ARMC3: variants seen among roughly 807,000 people sequenced by gnomAD.
The protein encoded by ARMC3 is armadillo repeat-containing protein 3.
A neutral mutation model predicts 90.3 loss-of-function variants in ARMC3; 74 were observed. The observed-to-expected ratio is 0.82, with a 90% CI of 0.68 to 0.99. The LOEUF is 0.99. Among genes scored for constraint, ARMC3 ranks in the 50% least tolerant of loss-of-function variants. The probability of loss-of-function intolerance (pLI) is 0.00; values close to 1 mark genes in which losing one functional copy is unlikely to be tolerated. For synonymous variants in ARMC3, 334 were observed against 361.8 expected (o/e 0.92, Z 0.87); for missense variants, 958 against 1,042.8 (o/e 0.92, Z 1.12).
intron 10 of ARMC3, among the ~76,000 whole-genome samples, chr10:22,991,360 C>T (rs1224294910): frequency 2.0e-5 from 3 of 152,102 alleles, no homozygotes; most frequent in East Asian, 3.8e-4. Flanking sequence ...CACTGGGGGC[C>T]GGATGTGATC....
chr10:23,017,053 G>A (rs1009874378), intron 16 of ARMC3, among the ~76,000 whole-genome samples: 3 of 149,260 alleles, frequency 2.0e-5, no homozygotes, highest in African/African-American at 7.4e-5. Flanking sequence ...TCTTAACTAT[G>A]TATGTGACAA....
At position 23,006,498 on chromosome 10, in the gene ARMC3, A is replaced by T. The variant is rs553390939; in HGVS notation, c.1732-386A>T. On this transcript the variant is annotated intron_variant, in intron 13 of 18. Coordinates refer to ENST00000298032, the MANE Select transcript of ARMC3 (RefSeq NM_173081.5). ...AAACTGCCTGCACAGGGCTTTGTCT[A>T]GCCTACTTTTAGATACACTCACAAC... 9.8e-4 allele frequency among the ~76,000 whole-genome samples: 149 copies of T among 152,320 alleles called. 1 individual carries two copies. The highest frequency in any genetic ancestry group is 4.8e-3 in the South Asian group (23 of 4,834).
chr10:22,980,560 C>T (rs1455874940), intron 8 of ARMC3, among the ~76,000 whole-genome samples: 4 of 151,894 alleles, frequency 2.6e-5, no homozygotes, highest in African/African-American at 9.7e-5. Flanking sequence ...TTAATGTTCT[C>T]ATTTAGCTTA....
intron 16 of ARMC3, among the ~76,000 whole-genome samples, chr10:23,021,299 C>A (rs530311175): frequency 6.6e-6 from 1 of 152,178 alleles, no homozygotes; most frequent in African/African-American, 2.4e-5. Context: ...CTTTTTGGTA[C>A]AATGATTTAT....
intron 8 of ARMC3, among the ~76,000 whole-genome samples, chr10:22,976,878 G>A (rs1053330143): frequency 2.6e-5 from 4 of 152,096 alleles, no homozygotes; most frequent in Non-Finnish European, 4.4e-5. Flanking sequence ...GGGAGTTCAC[G>A]GACTGCCTGA....
At chr10:22,960,032 T>C in intron 6 of ARMC3, 1 of 334,634 alleles carries the variant, frequency 3.0e-6, no homozygotes. Context: ...GAATTCATTG[T>C]CCACAATAGC....
intron 3 of ARMC3, among the ~76,000 whole-genome samples, chr10:22,948,884 G>A (rs1834636086): frequency 6.6e-6 from 1 of 152,192 alleles, no homozygotes; most frequent in Admixed American, 6.5e-5. Flanking sequence ...TCTCATTCTT[G>A]TATTTAGAAG....
At chr10:22,977,113 G>T (rs1835960618) in intron 8 of ARMC3, among the ~76,000 whole-genome samples, 1 of 152,164 alleles carries the variant, frequency 6.6e-6, no homozygotes, top group Non-Finnish European at 1.5e-5. Context: ...CTGGATTCTG[G>T]TTTGGGAAAT....
At position 23,030,743 on chromosome 10, in the gene ARMC3, C is replaced by A. The variant is rs201157292; in HGVS notation, c.2193C>A (p.Thr731=). Reference sequence around the variant, plus strand: ...TCTCTATGTATGTGTATGAGGTGACCAAATCAATACTGCCAATAACCAATA... The same window carrying A: ...TCTCTATGTATGTGTATGAGGTGACAAAATCAATACTGCCAATAACCAATA... ...PDFSMYVYEV[T]KSILPITNIK... Residue 731 remains threonine (T), a synonymous_variant, in exon 17 of 19, where the codon ACC becomes ACA. Transcript: ENST00000298032. 1.2e-6 allele frequency: 2 copies of A among 1,613,638 alleles called. No homozygotes were observed. The highest frequency in any genetic ancestry group is 1.3e-5 in the African/African-American group (1 of 74,990).
chr10:22,976,535 T>G (rs1835931880), intron 8 of ARMC3, among the ~76,000 whole-genome samples: 1 of 152,242 alleles, frequency 6.6e-6, no homozygotes, highest in African/African-American at 2.4e-5. Context: ...GTTCTTCAAA[T>G]TACCAGACCA....
chr10:23,014,240 G>T, intron 16 of ARMC3: 1 of 1,513,716 alleles, frequency 6.6e-7, no homozygotes. Context: ...GATGATCCCT[G>T]CCTCAAAGAG....
intron 3 of ARMC3, among the ~76,000 whole-genome samples, chr10:22,951,555 A>G (rs1004655298): frequency 1.3e-5 from 2 of 152,212 alleles, no homozygotes; most frequent in Admixed American, 6.5e-5. Flanking sequence ...AGTGATTCCA[A>G]TAACACAAAA....
At chr10:22,955,726 A>C in intron 3 of ARMC3, 81 bp from the exon 4 acceptor site, 1 of 1,517,038 alleles carries the variant, frequency 6.6e-7, no homozygotes, top group South Asian at 1.3e-5. Flanking sequence ...AATGGCAAAT[A>C]AGAAATTGGA....
intron 10 of ARMC3, 65 bp downstream of exon 10, chr10:22,981,765 T>G: frequency 1.5e-6 from 2 of 1,332,166 alleles, no homozygotes; most frequent in Non-Finnish European, 2.1e-6. Flanking sequence ...GATGTTCTCC[T>G]GTTAGTATAT....
intron 2 of ARMC3, among the ~76,000 whole-genome samples, chr10:22,940,158 T>A (rs1485863124): frequency 6.6e-6 from 1 of 152,212 alleles, no homozygotes; most frequent in African/African-American, 2.4e-5. Flanking sequence ...ACATTACAAT[T>A]GCAGGACAAA....
rs1475781620 is a variant in ARMC3 at position 23,014,290 on chromosome 10, C to T, written c.2045+5359C>T. ...GAGATGGTGTCAGGAAAGTGCCTGA[C>T]CATCACCTAGCACACTTAGGGGCTC... On this transcript the variant is annotated intron_variant, in intron 16 of 18. Transcript: ENST00000298032. 2.1e-6 allele frequency: 3 copies of T among 1,455,862 alleles called. No homozygotes were observed. In the African/African-American group the frequency reaches 4.2e-5, roughly 21 times the overall value. The allele number at this position is 1,455,862 out of a possible 1,614,324, so 90.2% of individuals were successfully genotyped here.
chr10:22,977,576 T>C (rs772414403), intron 8 of ARMC3, among the ~76,000 whole-genome samples: 1 of 152,220 alleles, frequency 6.6e-6, no homozygotes. Flanking sequence ...CATTTTATAA[T>C]TCAACTTATT....
chr10:22,947,575 G>A (rs889420362), intron 3 of ARMC3, among the ~76,000 whole-genome samples: 1 of 152,126 alleles, frequency 6.6e-6, no homozygotes, highest in South Asian at 2.1e-4. Flanking sequence ...CATAATGGAG[G>A]CATAATGAGT....
chr10:23,031,717 C>T (rs974144213), intron 17 of ARMC3, among the ~76,000 whole-genome samples: 2 of 151,936 alleles, frequency 1.3e-5, no homozygotes, highest in Admixed American at 1.3e-4. Flanking sequence ...ATCAGTAACA[C>T]TTTTCATCAT....
Sources: allele counts gnomAD v4.1 joint callset (sites outside exome capture counted in the v4.1 genomes callset), GRCh38; gene constraint gnomAD v4.1.1; transcripts MANE v1.5; gene names NCBI Gene and HGNC (gene_info 2026-07-23, HGNC 2026-07-21).